NFATC2: variants seen among roughly 807,000 people sequenced by gnomAD.
NFATC2 encodes nuclear factor of activated T cells 2.
A neutral mutation model predicts 87.3 loss-of-function variants in NFATC2; 22 were observed. The ratio of observed to expected loss-of-function variants is 0.25; its 90% CI spans 0.18 to 0.36. The LOEUF (loss-of-function observed/expected upper bound fraction) is 0.36, where lower values mean the gene tolerates loss of function less well. NFATC2 is among the 10% of genes least tolerant of loss of function. The pLI, the probability that NFATC2 is intolerant of heterozygous loss-of-function variation, is 1.00. For missense variants in NFATC2, 1,149 were observed against 1,259.1 expected (o/e 0.91, Z 1.32); for synonymous variants, 565 against 542.2 (o/e 1.04, Z -0.58).
At chr20:51,504,525 A>G (rs1268500201) in intron 3 of NFATC2, among the ~76,000 whole-genome samples, 1 of 152,194 alleles carries the variant, frequency 6.6e-6, no homozygotes, top group African/African-American at 2.4e-5. Context: ...AAAGATTTCC[A>G]TTTCTTCACC....
At chr20:51,398,795 G>GAAAAAAAAAAT in intron 9 of NFATC2, 65 bp from the exon 10 acceptor site, 1 of 1,112,682 alleles carries the variant, frequency 9.0e-7, no homozygotes, top group Non-Finnish European at 1.4e-6. Flanking sequence ...TCTCTCTTAC[G>GAAAAAAAAAAT]CTTCCAACTC....
At chr20:51,477,823 T>C (rs902469027) in intron 3 of NFATC2, among the ~76,000 whole-genome samples, 1 of 151,912 alleles carries the variant, frequency 6.6e-6, no homozygotes, top group Non-Finnish European at 1.5e-5. Flanking sequence ...TGGTTACATA[T>C]GGTCTAGAAT....
chr20:51,484,632 T>C (rs1213436269), intron 3 of NFATC2, among the ~76,000 whole-genome samples: 1 of 152,190 alleles, frequency 6.6e-6, no homozygotes, highest in African/African-American at 2.4e-5. Context: ...CAAAGAGCTG[T>C]TATACGCCCA....
intron 9 of NFATC2, among the ~76,000 whole-genome samples, chr20:51,405,773 A>G (rs1484757441): frequency 1.3e-5 from 2 of 152,188 alleles, no homozygotes; most frequent in African/African-American, 4.8e-5. Flanking sequence ...GGGCGAAAGA[A>G]TAACTACCAC....
intron 5 of NFATC2, among the ~76,000 whole-genome samples, chr20:51,463,867 G>A (rs1379405568): frequency 1.3e-5 from 2 of 152,192 alleles, no homozygotes; most frequent in Admixed American, 1.3e-4. Context: ...TGGGTACATC[G>A]TAGGTGTTCA....
At chr20:51,492,918 G>A (rs1216096883) in intron 3 of NFATC2, among the ~76,000 whole-genome samples, 1 of 152,338 alleles carries the variant, frequency 6.6e-6, no homozygotes, top group African/African-American at 2.4e-5. Context: ...ACGTATCCAC[G>A]GGCTCATGGA....
intron 3 of NFATC2, among the ~76,000 whole-genome samples, chr20:51,497,817 A>AC (rs2076014602): frequency 6.6e-6 from 1 of 151,856 alleles, no homozygotes. Context: ...GGGACCCGGG[A>AC]CCCCCAATCC....
intron 9 of NFATC2, among the ~76,000 whole-genome samples, chr20:51,410,686 C>T (rs1400795740): frequency 1.3e-5 from 2 of 152,022 alleles, no homozygotes; most frequent in Non-Finnish European, 2.9e-5. Context: ...ATCTCCTTTG[C>T]ACCCACCATA....
At chr20:51,550,558 T>C (rs1568757185) in intron 1 of NFATC2, among the ~76,000 whole-genome samples, 1 of 152,006 alleles carries the variant, frequency 6.6e-6, no homozygotes, top group Admixed American at 6.6e-5. Flanking sequence ...GCCATTGTAC[T>C]CCAGCCTGGG....
chr20:51,483,512 T>G (rs1034982952), intron 3 of NFATC2, among the ~76,000 whole-genome samples: 3 of 151,214 alleles, frequency 2.0e-5, no homozygotes, highest in Admixed American at 6.6e-5. Flanking sequence ...GGGAGAAAAT[T>G]TTTACAAACA....
chr20:51,406,601 A>G (rs1978356031), intron 9 of NFATC2, among the ~76,000 whole-genome samples: 1 of 152,178 alleles, frequency 6.6e-6, no homozygotes, highest in African/African-American at 2.4e-5. Context: ...TCCATTGGCA[A>G]TGTTCTCCAG....
intron 10 of NFATC2, among the ~76,000 whole-genome samples, chr20:51,398,186 G>A (rs778685023): frequency 9.2e-5 from 14 of 152,136 alleles, no homozygotes; most frequent in Non-Finnish European, 2.1e-4. Flanking sequence ...AATCAGGATT[G>A]GAAATGACCT....
rs139947767 is a variant in NFATC2 at position 51,391,263 on chromosome 20, G to T, written c.*233C>A. 1.0e-4 allele frequency: 92 copies of T among 916,386 alleles called. No homozygotes were observed. The highest frequency in any genetic ancestry group is 5.2e-4 in the Admixed American group (30 of 57,870). 56.8% of individuals were successfully genotyped at this position (916,386 alleles called of 1,614,324 possible). A position where few individuals can be genotyped will look rare whatever the true frequency, so the allele number is the denominator to read the frequency against. On this transcript the variant is annotated 3_prime_UTR_variant, in exon 11 of 11. Transcript: ENST00000371564. ...TGGCGAGCTCCTTAAGTGAGAGTCC[G>T]CTTAGTGCCCATACATTGATCCGCG...
chr20:51,542,749 CGGGGGGG>C (rs1167272535), upstream of NFATC2: 5 of 3,878 alleles, frequency 1.3e-3, no homozygotes, highest in Non-Finnish European at 2.2e-3. Context: ...CCCGGGGAGG[CGGGGGGG>C]GGGGGGGCGT....
chr20:51,512,339 GGCC>G, intron 3 of NFATC2, among the ~76,000 whole-genome samples: 1 of 152,044 alleles, frequency 6.6e-6, no homozygotes, highest in South Asian at 2.1e-4. Context: ...CCCTCCAAGT[GGCC>G]GCCATCTGGC....
intron 9 of NFATC2, among the ~76,000 whole-genome samples, chr20:51,400,979 T>C (rs995869531): frequency 6.6e-6 from 1 of 152,160 alleles, no homozygotes; most frequent in African/African-American, 2.4e-5. Context: ...TCAGAAGCTG[T>C]TGGAACATAA....
chr20:51,440,572 A>G (rs1984193091), intron 6 of NFATC2, among the ~76,000 whole-genome samples: 1 of 152,182 alleles, frequency 6.6e-6, no homozygotes, highest in South Asian at 2.1e-4. Flanking sequence ...ACACACAGAG[A>G]AAAAGACCTC....
intron 1 of NFATC2, among the ~76,000 whole-genome samples, chr20:51,557,661 G>C (rs1391233128): frequency 1.3e-5 from 2 of 152,202 alleles, no homozygotes; most frequent in African/African-American, 4.8e-5. Flanking sequence ...GGAAGCAGAA[G>C]AGAGTGAGAC....
At chr20:51,443,593 A>G (rs1430243753) in intron 6 of NFATC2, among the ~76,000 whole-genome samples, 1 of 152,154 alleles carries the variant, frequency 6.6e-6, no homozygotes, top group East Asian at 1.9e-4. Context: ...CACAGCCCAG[A>G]CAGCATTCCC....
Sources: allele counts gnomAD v4.1 joint callset (sites outside exome capture counted in the v4.1 genomes callset), GRCh38; gene constraint gnomAD v4.1.1; transcripts MANE v1.5; gene names NCBI Gene and HGNC (gene_info 2026-07-23, HGNC 2026-07-21).